Variants in COL28A1 observed in about 807,000 individuals in gnomAD.
COL28A1 encodes collagen type XXVIII alpha 1 chain.
COL28A1 carries 161 observed loss-of-function variants against 150.2 expected under a neutral mutation model. The ratio of observed to expected loss-of-function variants is 1.07; its 90% CI spans 0.94 to 1.22. The LOEUF is 1.22. Ranked by LOEUF, COL28A1 falls within the 50% of genes most tolerant of loss-of-function variation. The probability of loss-of-function intolerance (pLI) is 0.00; values close to 1 mark genes in which losing one functional copy is unlikely to be tolerated. For missense variants in COL28A1, 1,617 were observed against 1,388.3 expected (o/e 1.16, Z -2.62); for synonymous variants, 552 against 469.7 (o/e 1.18, Z -2.26).
chr7:7,394,763 G>A (rs1193039019), intron 27 of COL28A1, among the ~76,000 whole-genome samples: 1 of 152,160 alleles, frequency 6.6e-6, no homozygotes, highest in African/African-American at 2.4e-5. Flanking sequence ...GCAAGAAAAG[G>A]AATCTTTTCC....
chr7:7,437,298 T>C, intron 22 of COL28A1, 96 bp downstream of exon 22: 1 of 1,475,984 alleles, frequency 6.8e-7, no homozygotes, highest in Non-Finnish European at 9.0e-7. Context: ...CTAAGGCTCT[T>C]CCAAAACTAA....
At chr7:7,413,982 A>AGT (rs1270953962) in intron 27 of COL28A1, among the ~76,000 whole-genome samples, 1 of 152,206 alleles carries the variant, frequency 6.6e-6, no homozygotes, top group Non-Finnish European at 1.5e-5. Flanking sequence ...TCTGAAAATA[A>AGT]GTACTAAGGG....
intron 23 of COL28A1, among the ~76,000 whole-genome samples, chr7:7,436,116 G>A (rs1342544406): frequency 6.6e-6 from 1 of 152,214 alleles, no homozygotes; most frequent in African/African-American, 2.4e-5. Flanking sequence ...GAAGAGGCCA[G>A]AGGCCATTTA....
chr7:7,414,569 C>T (rs1474891829), intron 27 of COL28A1, among the ~76,000 whole-genome samples: 1 of 152,202 alleles, frequency 6.6e-6, no homozygotes, highest in Non-Finnish European at 1.5e-5. Flanking sequence ...GCTACCACAG[C>T]AGCAGCCCTG....
At position 7,409,706 on chromosome 7, in the gene COL28A1, A is replaced by T. The variant is rs534864398; in HGVS notation, c.2136+8153T>A. ...ATTTTTCTTTTGGAATTTGGAAACT[A>T]TAGTAAACCTTGAGGTAGGGCACCC... On this transcript the variant is annotated intron_variant, in intron 27 of 34. Coordinates refer to ENST00000399429, the MANE Select transcript of COL28A1 (RefSeq NM_001037763.3). 8.5e-5 allele frequency among the ~76,000 whole-genome samples: 13 copies of T among 152,332 alleles called. No homozygotes were observed. The South Asian group carries it at 2.7e-3, about 32-fold the overall frequency.
At chr7:7,427,591 G>C (rs770252863) in intron 25 of COL28A1, among the ~76,000 whole-genome samples, 7 of 152,208 alleles carry the variant, frequency 4.6e-5, no homozygotes, top group Non-Finnish European at 8.8e-5. Context: ...GCAGAGAACA[G>C]AGGGGCAATT....
At chr7:7,510,480 TC>T (rs1781068484) in intron 9 of COL28A1, among the ~76,000 whole-genome samples, 1 of 152,242 alleles carries the variant, frequency 6.6e-6, no homozygotes, top group Non-Finnish European at 1.5e-5. Flanking sequence ...AGATGGTGTT[TC>T]ACCGTATTGG....
At chr7:7,385,728 T>A (rs1782145229) in intron 27 of COL28A1, among the ~76,000 whole-genome samples, 1 of 152,206 alleles carries the variant, frequency 6.6e-6, no homozygotes, top group African/African-American at 2.4e-5. Flanking sequence ...TTCAGGAACT[T>A]CTTTTGCATT....
the COL28A1 span, among the ~76,000 whole-genome samples, chr7:7,543,794 T>C: frequency 6.6e-6 from 1 of 151,152 alleles, no homozygotes; most frequent in Non-Finnish European, 1.5e-5. Context: ...CAACATTTAA[T>C]AATATCTGCG....
the COL28A1 span, among the ~76,000 whole-genome samples, chr7:7,338,842 T>C: frequency 6.6e-6 from 1 of 152,120 alleles, no homozygotes; most frequent in Admixed American, 6.6e-5. Context: ...CAGCAGGCTG[T>C]GACAGGGTGA....
At position 7,531,557 on chromosome 7, in the gene COL28A1, G is replaced by T. The variant is rs769455555; in HGVS notation, c.472C>A (p.Leu158Met). The change falls in exon 3 of 35, where the codon CTG (leucine) becomes ATG (methionine). Residue 158 changes from leucine (L) to methionine (M), a missense_variant. Physicochemically the swap from Leu to Met is conservative, Grantham distance 15. Transcript: ENST00000399429. ...GRKDGVKVVL[L>M]MTDGIDHPKN... ...GGATGGTCGATGCCATCAGTCATCA[G>T]CAAAACCACTTTCACACCATCCTTA... is the stretch of plus-strand genomic sequence containing the variant. The T allele has an allele frequency of 1.2e-6, 2 of 1,609,426 alleles. No individual in the cohort carries two copies. The highest frequency in any genetic ancestry group is 1.7e-6 in the Non-Finnish European group (2 of 1,175,910).
At chr7:7,514,882 C>G (rs554223742) in intron 8 of COL28A1, among the ~76,000 whole-genome samples, 155 of 152,266 alleles carry the variant, frequency 1.0e-3, no homozygotes, top group African/African-American at 3.6e-3. Context: ...TCGGCTCCCC[C>G]TCCAGCCTAG....
At chr7:7,498,926 A>ACT (rs1352629787) in intron 11 of COL28A1, among the ~76,000 whole-genome samples, 1 of 152,012 alleles carries the variant, frequency 6.6e-6, no homozygotes, top group East Asian at 1.9e-4. Context: ...ACACACACAC[A>ACT]CAGAGTATAT....
chr7:7,520,070 CT>C lies in COL28A1; in HGVS notation c.804del (p.Gly269GlufsTer37). On this transcript the variant is annotated frameshift_variant, in exon 6 of 35. Coordinates refer to ENST00000399429, the MANE Select transcript of COL28A1 (RefSeq NM_001037763.3). LOFTEE classifies it high-confidence loss of function. ...GCTGTTTATTCATTTACCGGGTTTCCTTTTGGTCCTCGCTCACCTTTGATAC... is the reference window on the plus strand; with the variant it reads ...GCTGTTTATTCATTTACCGGGTTTCCTTTGGTCCTCGCTCACCTTTGATAC... ...NPGIKGERGPKGNPGNAQKGE... is the reference protein window; with the variant it reads ...NPGIKGERGPXGNPGNAQKGE... 7.9e-6 allele frequency: 11 copies of C among 1,395,456 alleles called. No homozygotes were observed. The highest frequency in any genetic ancestry group is 1.1e-5 in the Non-Finnish European group (11 of 982,012). 86.4% of individuals were successfully genotyped at this position (1,395,456 alleles called of 1,614,324 possible).
In COL28A1 at chr7:7,358,741, A is replaced by G. The variant is rs1455392885; in HGVS notation, c.3270T>C (p.Tyr1090=). The change falls in exon 35 of 35, where the codon TAT becomes TAC. Residue 1090 remains tyrosine, a synonymous_variant. Coordinates refer to ENST00000399429, the MANE Select transcript of COL28A1 (RefSeq NM_001037763.3). ...GGGCACAAGAGTTGACCTGTTTGTC[A>G]TAATACCATCGAACCACATATTCAC... ...NCGEYVVRWY[Y]DKQVNSCARF... is the part of the protein sequence containing the mutation. 6.8e-6 allele frequency: 11 copies of G among 1,613,964 alleles called. No individual in the cohort carries two copies. Among genetic ancestry groups the G allele is most frequent in the African/African-American group, 4.0e-5 (3 of 74,910 alleles).
At chr7:7,514,288 C>T (rs1362150210) in intron 8 of COL28A1, among the ~76,000 whole-genome samples, 2 of 152,172 alleles carry the variant, frequency 1.3e-5, no homozygotes, top group Non-Finnish European at 2.9e-5. Context: ...TTCATAATGG[C>T]ACTTACATTT....
intron 15 of COL28A1, among the ~76,000 whole-genome samples, chr7:7,471,942 G>C (rs1331344903): frequency 6.6e-6 from 1 of 152,128 alleles, no homozygotes; most frequent in Non-Finnish European, 1.5e-5. Context: ...CTCAATAGAT[G>C]CAGAAAGAGC....
At chr7:7,435,022 T>G (rs1389008514) in intron 23 of COL28A1, among the ~76,000 whole-genome samples, 3 of 152,136 alleles carry the variant, frequency 2.0e-5, no homozygotes, top group Non-Finnish European at 4.4e-5. Context: ...ACTGAAAAAC[T>G]AATGAACTAG....
chr7:7,417,535 AGGGAG>A lies in COL28A1; in HGVS notation c.2136+319_2136+323del, dbSNP rs1157057891. On this transcript the variant is annotated intron_variant, in intron 27 of 34. Transcript: ENST00000399429. ...GGAAGGAGGGAGGGGGGAGGGAGGG[AGGGAG>A]GGGGGGGGGAGAGAGAGAGAGAGAG... 2.3e-4 allele frequency: 20 copies of A among 87,298 alleles called. No homozygotes were observed. The African/African-American group carries it at 3.5e-3, about 15-fold the overall frequency. The allele number at this position is 87,298 out of a possible 1,614,324, so 5.4% of individuals were successfully genotyped here.
Sources: gnomAD v4.1 joint callset for allele counts (sites outside exome capture counted in the v4.1 genomes callset) on GRCh38, gnomAD v4.1.1 for gene constraint, MANE v1.5 for transcripts, NCBI Gene and HGNC (gene_info 2026-07-23, HGNC 2026-07-21) for gene names.